CNOT11: variants seen among roughly 807,000 people sequenced by gnomAD.
The protein encoded by CNOT11 is UPF0760 protein C2orf29.
In CNOT11, 18 loss-of-function variants were observed where a neutral mutation model predicts 44.6. The observed-to-expected ratio is 0.40, with a 90% CI of 0.28 to 0.60. The LOEUF (loss-of-function observed/expected upper bound fraction) is 0.60, where lower values mean the gene tolerates loss of function less well. Among genes scored for constraint, CNOT11 ranks in the 20% least tolerant of loss-of-function variants. CNOT11 has a pLI of 0.38. For missense variants in CNOT11, 513 were observed against 677.0 expected (o/e 0.76, Z 2.69); for synonymous variants, 291 against 270.9 (o/e 1.07, Z -0.73).
intron 2 of CNOT11, among the ~76,000 whole-genome samples, chr2:101,260,716 G>A (rs1433615466): frequency 1.3e-5 from 2 of 151,982 alleles, no homozygotes; most frequent in Non-Finnish European, 2.9e-5. Flanking sequence ...AAGGGGTGAA[G>A]TTTTACCCTA....
In CNOT11 at chr2:101,253,066, CG is replaced by C; in HGVS notation, c.107del (p.Gly36AlafsTer26). 1.3e-6 allele frequency: 2 copies of C among 1,516,336 alleles called. No homozygotes were observed. The highest frequency in any genetic ancestry group is 2.7e-5 in the East Asian group (1 of 37,368). 93.9% of individuals were successfully genotyped at this position (1,516,336 alleles called of 1,614,324 possible). ...AAGSASRSGF[G>X]GSGGGRGGAS... ...CAGGGTCGGCGTCCAGGAGCGGCTT[CG>C]GGGGCTCCGGCGGCGGCAGAGGCGG... is the stretch of plus-strand genomic sequence containing the variant. On this transcript the variant is annotated frameshift_variant, in exon 1 of 7. Transcript: ENST00000289382. LOFTEE classifies it high-confidence loss of function. This position sits in a 1 kb window ranked among gnomAD's most constrained non-coding sequence, Gnocchi z 4.3.
rs148150606 is a variant in CNOT11 at position 101,268,067 on chromosome 2, A to G, written c.1239-973A>G. Among the ~76,000 whole-genome samples, 54 of 152,378 alleles carry G rather than the reference A, an allele frequency of 3.5e-4. No individual in the cohort carries two copies. The East Asian group carries it at 0.01, about 29-fold the overall frequency. ...AAGCTGAGGGAGTGGAAGTACGTGC[A>G]TAGAAGGAGAGTGCGTTCTTTTAGC... On this transcript the variant is annotated intron_variant, in intron 5 of 6. Coordinates refer to ENST00000289382, the MANE Select transcript of CNOT11 (RefSeq NM_017546.5).
chr2:101,258,769 G>C (rs375205331), intron 2 of CNOT11, among the ~76,000 whole-genome samples: 34 of 148,764 alleles, frequency 2.3e-4, no homozygotes, highest in African/African-American at 8.4e-4. Context: ...AGCTGAGATT[G>C]TGCAACTGCA....
intron 2 of CNOT11, among the ~76,000 whole-genome samples, chr2:101,261,881 C>G (rs1393283515): frequency 7.6e-6 from 1 of 132,190 alleles, no homozygotes; most frequent in Non-Finnish European, 1.5e-5. Context: ...GAGTCTCGCT[C>G]TGTCGCCCAG....
chr2:101,264,327 T>A (rs1022519128), intron 3 of CNOT11, among the ~76,000 whole-genome samples: 2 of 152,238 alleles, frequency 1.3e-5, no homozygotes, highest in Non-Finnish European at 2.9e-5. Flanking sequence ...GTTTCCACAT[T>A]CGTTTCGAAA....
intron 1 of CNOT11, 75 bp from the exon 2 acceptor site, chr2:101,257,716 G>T: frequency 1.6e-6 from 2 of 1,260,598 alleles, no homozygotes; most frequent in South Asian, 2.8e-5. Flanking sequence ...CAAGTAGCAA[G>T]TACTGATTTT....
Position 101,269,478 on chromosome 2 carries a change from T to TG in CNOT11, c.*65_*66insG. 7.0e-7 allele frequency: 1 copy of TG among 1,420,030 alleles called. No homozygotes were observed. The highest frequency in any genetic ancestry group is 1.4e-5 in the African/African-American group (1 of 70,840). 88.0% of individuals were successfully genotyped at this position (1,420,030 alleles called of 1,614,324 possible). A position where few individuals can be genotyped will look rare whatever the true frequency, so the allele number is the denominator to read the frequency against. The stretch of plus-strand genomic sequence containing the variant: ...GTACTGTGATTTAGTTTTTACACCG[T>TG]TAAAACCCTGAGTGGATTGCTTGGT... On this transcript the variant is annotated 3_prime_UTR_variant, in exon 7 of 7. Transcript: ENST00000289382. This position sits in a 1 kb window ranked among gnomAD's most constrained non-coding sequence, Gnocchi z 4.8.
At chr2:101,268,671 A>T (rs1046090750) in intron 5 of CNOT11, among the ~76,000 whole-genome samples, 2 of 152,054 alleles carry the variant, frequency 1.3e-5, no homozygotes, top group African/African-American at 4.8e-5. Context: ...TCCTGTTCCC[A>T]CCCCACTCGT....
At chr2:101,256,071 G>A (rs1221552870) in intron 1 of CNOT11, among the ~76,000 whole-genome samples, 5 of 151,870 alleles carry the variant, frequency 3.3e-5, no homozygotes, top group East Asian at 1.9e-4. Flanking sequence ...CCTGGGAGGC[G>A]GAGGCTGTAG....
chr2:101,262,789 T>C (rs1681898198), intron 3 of CNOT11, 98 bp downstream of exon 3: 17 of 903,816 alleles, frequency 1.9e-5, no homozygotes, highest in Non-Finnish European at 2.9e-5. Flanking sequence ...ATTTTTATTA[T>C]GACTTAAATT....
chr2:101,253,150 C>A lies in CNOT11; in HGVS notation c.186C>A (p.Ser62Arg). 6.3e-7 allele frequency: 1 copy of A among 1,581,276 alleles called. No homozygotes were observed. Reference sequence around the variant, plus strand: ...CGGGGGGCCCCGCGGGCAGGATGAGCTTGACCCCGAAGGAGCTCTCGAGCC... The same window carrying A: ...CGGGGGGCCCCGCGGGCAGGATGAGATTGACCCCGAAGGAGCTCTCGAGCC... The part of the protein sequence containing the change: ...GGPGGPAGRM[S>R]LTPKELSSLL... The change falls in exon 1 of 7, where the codon AGC becomes AGA. Residue 62 changes from serine to arginine, a missense_variant. Ser to Arg is a moderately radical substitution (Grantham distance 110). Around this residue, in one of 4 missense-constraint regions of CNOT11, gnomAD observed 259 missense variants for 265.7 expected, o/e 0.97. Coordinates refer to ENST00000289382, the MANE Select transcript of CNOT11 (RefSeq NM_017546.5). The surrounding 1 kb of genome is among the most constrained non-coding windows in gnomAD (Gnocchi z 4.3).
At chr2:101,258,496 T>G (rs1681783338) in intron 2 of CNOT11, among the ~76,000 whole-genome samples, 1 of 152,096 alleles carries the variant, frequency 6.6e-6, no homozygotes, top group Non-Finnish European at 1.5e-5. Context: ...AGTTTTCACT[T>G]GAATTGATTG....
intron 1 of CNOT11, among the ~76,000 whole-genome samples, chr2:101,254,772 C>T (rs1681701235): frequency 6.6e-6 from 1 of 152,102 alleles, no homozygotes; most frequent in Non-Finnish European, 1.5e-5. Flanking sequence ...GTGGCTAACA[C>T]CTGTAGCCCC....
chr2:101,261,847 T>TTC (rs1553436010), intron 2 of CNOT11, among the ~76,000 whole-genome samples: 1 of 140,496 alleles, frequency 7.1e-6, no homozygotes, highest in Admixed American at 7.2e-5. Flanking sequence ...TTTCTTTCTT[T>TTC]TTTTTTTTTT....
chr2:101,253,086 G>C lies in CNOT11; in HGVS notation c.122G>C (p.Arg41Thr), dbSNP rs1681657298. 1.3e-6 allele frequency: 2 copies of C among 1,515,758 alleles called. No homozygotes were observed. The highest frequency in any genetic ancestry group is 1.5e-5 in the African/African-American group (1 of 68,922). 93.9% of individuals were successfully genotyped at this position (1,515,758 alleles called of 1,614,324 possible). A position where few individuals can be genotyped will look rare whatever the true frequency, so the allele number is the denominator to read the frequency against. Reference protein sequence around the residue: ...RSGFGGSGGGRGGASGPGSGS... With the variant: ...RSGFGGSGGGTGGASGPGSGS... The stretch of plus-strand genomic sequence containing the variant: ...GGCTTCGGGGGCTCCGGCGGCGGCA[G>C]AGGCGGAGCAAGCGGCCCCGGGTCC... The change falls in exon 1 of 7, where the codon AGA (arginine) becomes ACA (threonine). Residue 41 changes from arginine (R) to threonine (T), a missense_variant. Arg to Thr is a moderately conservative substitution (Grantham distance 71). Transcript: ENST00000289382. This position sits in a 1 kb window ranked among gnomAD's most constrained non-coding sequence, Gnocchi z 4.3.
At chr2:101,265,818 G>A (rs545949745) in intron 4 of CNOT11, among the ~76,000 whole-genome samples, 2 of 152,250 alleles carry the variant, frequency 1.3e-5, no homozygotes, top group Admixed American at 6.5e-5. Context: ...CCCACTGCCC[G>A]AGTGTGAGAC....
chr2:101,254,275 AG>A (rs1159323281), intron 1 of CNOT11, among the ~76,000 whole-genome samples: 2 of 152,318 alleles, frequency 1.3e-5, no homozygotes, highest in Non-Finnish European at 2.9e-5. Flanking sequence ...ACACAGAGAT[AG>A]GAAACAGCTT....
chr2:101,268,902 G>A (rs991003687), intron 5 of CNOT11, 138 bp from the exon 6 acceptor site: 1 of 598,854 alleles, frequency 1.7e-6, no homozygotes, highest in African/African-American at 1.9e-5. Flanking sequence ...ATTTGCCCAA[G>A]TATATTTAAA....
At chr2:101,265,196 G>T in intron 4 of CNOT11, 149 bp downstream of exon 4, 2 of 480,268 alleles carry the variant, frequency 4.2e-6, no homozygotes, top group Non-Finnish European at 7.2e-6. Context: ...TGCCTCCCGG[G>T]TTCAAGTGAT....
Sources: allele counts gnomAD v4.1 joint callset (sites outside exome capture counted in the v4.1 genomes callset), GRCh38; gene constraint gnomAD v4.1.1; regional missense constraint gnomAD v4.1.1; non-coding constraint Gnocchi (gnomAD v3.1); transcripts MANE v1.5; gene names NCBI Gene and HGNC (gene_info 2026-07-23, HGNC 2026-07-21).